Variants in RFX7 observed in about 807,000 individuals in gnomAD.
RFX7 encodes the protein regulatory factor X7.
Under a neutral mutation model 111.8 loss-of-function variants are expected in RFX7, and 26 were observed. That is an observed-to-expected ratio of 0.23 (90% CI 0.17 to 0.32). The LOEUF (loss-of-function observed/expected upper bound fraction) is 0.32. Ranked by LOEUF, RFX7 falls within the 10% of genes least tolerant of loss-of-function variation. The pLI is 1.00. For missense variants in RFX7, 1,573 were observed against 1,772.9 expected, an observed-to-expected ratio of 0.89 and a Z score of 2.02; for synonymous variants, 624 against 624.4, an observed-to-expected ratio of 1.00 and a Z score of 0.01.
At chr15:56,226,664 T>C (rs537943869) in intron 2 of RFX7, among the ~76,000 whole-genome samples, 38 of 152,214 alleles carry the variant, frequency 2.5e-4, no homozygotes, top group African/African-American at 9.1e-4. Flanking sequence ...AAGAAAGTAA[T>C]ACAGAGAGAA....
chr15:56,100,955 G>A (rs1595923466), intron 8 of RFX7, among the ~76,000 whole-genome samples: 1 of 152,010 alleles, frequency 6.6e-6, no homozygotes, highest in Admixed American at 6.6e-5. Context: ...TTAGTTTCTG[G>A]AATGGGAATC....
At chr15:56,162,403 A>C (rs1364929226) in intron 3 of RFX7, among the ~76,000 whole-genome samples, 1 of 152,144 alleles carries the variant, frequency 6.6e-6, no homozygotes, top group African/African-American at 2.4e-5. Flanking sequence ...ATTTGTTTCC[A>C]TCAGAGCACA....
chr15:56,190,568 T>C (rs543114669), intron 2 of RFX7, among the ~76,000 whole-genome samples: 6 of 152,352 alleles, frequency 3.9e-5, no homozygotes, highest in South Asian at 4.1e-4. Context: ...CTTCCATAGA[T>C]ATGAATCACA....
intron 3 of RFX7, among the ~76,000 whole-genome samples, chr15:56,151,918 G>A (rs1177326906): frequency 5.3e-5 from 8 of 152,124 alleles, no homozygotes; most frequent in Admixed American, 4.6e-4. Context: ...CCTGGTCTCT[G>A]ATAAAACAGA....
intron 5 of RFX7, among the ~76,000 whole-genome samples, chr15:56,110,362 A>G (rs1595932097): frequency 1.7e-5 from 1 of 58,784 alleles, no homozygotes; most frequent in South Asian, 7.1e-4. Context: ...CTCGTCCGGG[A>G]GGGAGGTGGG....
chr15:56,229,157 T>C (rs2043519726), intron 2 of RFX7, among the ~76,000 whole-genome samples: 1 of 152,216 alleles, frequency 6.6e-6, no homozygotes, highest in Admixed American at 6.5e-5. Flanking sequence ...ATTTTTGGTC[T>C]GTGGTTGACT....
At chr15:56,215,083 T>C (rs1185477545) in intron 2 of RFX7, among the ~76,000 whole-genome samples, 5 of 152,240 alleles carry the variant, frequency 3.3e-5, no homozygotes, top group African/African-American at 1.2e-4. Flanking sequence ...ATGACTCCCA[T>C]GGATACCATG....
chr15:56,203,035 A>G (rs1427139917), intron 2 of RFX7, among the ~76,000 whole-genome samples: 1 of 152,196 alleles, frequency 6.6e-6, no homozygotes, highest in East Asian at 1.9e-4. Context: ...CCCCCACCAA[A>G]AAAAAGTGAC....
chr15:56,192,961 G>A, intron 2 of RFX7: 1 of 189,270 alleles, frequency 5.3e-6, no homozygotes, highest in Non-Finnish European at 1.2e-5. Flanking sequence ...CTGTGCTGTG[G>A]ACTACGGATA....
At chr15:56,167,693 ATT>A (rs1452766067) in intron 3 of RFX7, among the ~76,000 whole-genome samples, 1 of 152,196 alleles carries the variant, frequency 6.6e-6, no homozygotes, top group Non-Finnish European at 1.5e-5. Context: ...AAATATTTTC[ATT>A]TGTCTTTACC....
intron 2 of RFX7, among the ~76,000 whole-genome samples, chr15:56,183,863 T>C (rs2043003857): frequency 6.6e-6 from 1 of 152,198 alleles, no homozygotes; most frequent in African/African-American, 2.4e-5. Context: ...GTCATTTCCT[T>C]TCTGAATAAA....
chr15:56,216,178 C>A (rs1430995559), intron 2 of RFX7, among the ~76,000 whole-genome samples: 1 of 152,168 alleles, frequency 6.6e-6, no homozygotes, highest in Non-Finnish European at 1.5e-5. Flanking sequence ...TTAACTACCA[C>A]AGAGAATTCC....
intron 3 of RFX7, among the ~76,000 whole-genome samples, chr15:56,173,898 T>C (rs1251382779): frequency 6.6e-6 from 1 of 151,178 alleles, no homozygotes; most frequent in East Asian, 1.9e-4. Context: ...ATAGAGAAAA[T>C]GATAAACAAA....
At chr15:56,241,688 G>A (rs1469709617) in intron 2 of RFX7, among the ~76,000 whole-genome samples, 2 of 150,226 alleles carry the variant, frequency 1.3e-5, no homozygotes, top group Admixed American at 6.7e-5. Context: ...AGGGGGTGAG[G>A]GTATCCATTG....
At chr15:56,236,243 C>CA (rs1301017476) in intron 2 of RFX7, among the ~76,000 whole-genome samples, 5 of 151,946 alleles carry the variant, frequency 3.3e-5, no homozygotes, top group African/African-American at 1.2e-4. Context: ...TTTACAGTCG[C>CA]AAAAAAAGAA....
chr15:56,140,511 C>T (rs1252784899), intron 5 of RFX7, among the ~76,000 whole-genome samples: 1 of 152,232 alleles, frequency 6.6e-6, no homozygotes, highest in Admixed American at 6.5e-5. Context: ...CCTGCGCCCA[C>T]TGTCTGGCAC....
chr15:56,160,317 G>A (rs990465875), intron 3 of RFX7, among the ~76,000 whole-genome samples: 6 of 151,444 alleles, frequency 4.0e-5, no homozygotes, highest in Non-Finnish European at 5.9e-5. Context: ...ATTAGTCCAT[G>A]AAACTTTTCT....
chr15:56,241,008 T>G (rs2043683250), intron 2 of RFX7, among the ~76,000 whole-genome samples: 1 of 152,144 alleles, frequency 6.6e-6, no homozygotes, highest in South Asian at 2.1e-4. Flanking sequence ...TTTACTAATT[T>G]TGTTTATTAT....
At chr15:56,126,263 A>G (rs1348331853) in intron 5 of RFX7, among the ~76,000 whole-genome samples, 2 of 152,242 alleles carry the variant, frequency 1.3e-5, no homozygotes, top group Middle Eastern at 3.2e-3. Context: ...AAAGACCTGC[A>G]GCAAACTGGG....
Sources: allele counts gnomAD v4.1 joint callset (sites outside exome capture counted in the v4.1 genomes callset), GRCh38; gene constraint gnomAD v4.1.1; transcripts MANE v1.5; gene names NCBI Gene and HGNC (gene_info 2026-07-23, HGNC 2026-07-21).